The following OLFM4 variants were observed in gnomAD, a reference collection of about 807,000 sequenced individuals.
OLFM4 encodes olfactomedin-4.
In OLFM4, 22 loss-of-function variants were observed where a neutral mutation model predicts 25.5. The observed-to-expected ratio is 0.86, with a 90% CI of 0.62 to 1.23. The LOEUF (loss-of-function observed/expected upper bound fraction) is 1.23. Ranked by LOEUF, OLFM4 falls within the 50% of genes most tolerant of loss-of-function variation. The probability of loss-of-function intolerance (pLI) is 0.00; values close to 1 mark genes in which losing one functional copy is unlikely to be tolerated. For synonymous variants in OLFM4, 255 were observed against 237.7 expected, an observed-to-expected ratio of 1.07 and a Z score of -0.67; for missense variants, 594 against 619.4, an observed-to-expected ratio of 0.96 and a Z score of 0.44.
chr13:53,031,482 A>T (rs1954628404), intron 1 of OLFM4, among the ~76,000 whole-genome samples: 1 of 152,178 alleles, frequency 6.6e-6, no homozygotes, highest in Non-Finnish European at 1.5e-5. Context: ...AAGCACTCAG[A>T]GTACTCTCTG....
chr13:53,042,191 G>A (rs930186018), intron 3 of OLFM4, 69 bp downstream of exon 3: 2 of 1,294,954 alleles, frequency 1.5e-6, no homozygotes, highest in Admixed American at 3.9e-5. Flanking sequence ...GCAAGTACTA[G>A]TACCAGGAAG....
intron 2 of OLFM4, 66 bp downstream of exon 2, chr13:53,034,566 G>A (rs1252572653): frequency 2.9e-6 from 4 of 1,391,790 alleles, no homozygotes; most frequent in African/African-American, 2.9e-5. Context: ...TTTTAATTTA[G>A]GATTTTATAA....
chr13:53,037,035 G>A (rs1341781985), intron 2 of OLFM4, among the ~76,000 whole-genome samples: 2 of 152,154 alleles, frequency 1.3e-5, no homozygotes, highest in South Asian at 2.1e-4. Flanking sequence ...GAGGGCTTTC[G>A]AATTTCCAAG....
In OLFM4 at chr13:53,049,956, C is replaced by T. The variant is rs1272962068; in HGVS notation, c.731-13C>T. On this transcript the variant is annotated splice_polypyrimidine_tract_variant and intron_variant, in intron 4 of 4. Transcript: ENST00000219022. ...TTCTCTAAAAATGCCTTTTTATTTT[C>T]TTGTTTGTATAGGGAGCTGTGGTCA... The T allele has an allele frequency of 1.9e-6, 3 of 1,556,648 alleles. No homozygotes were observed. The highest frequency in any genetic ancestry group is 2.0e-5 in the Admixed American group (1 of 51,168).
At chr13:53,043,753 G>A (rs1439129017) in intron 4 of OLFM4, among the ~76,000 whole-genome samples, 2 of 151,982 alleles carry the variant, frequency 1.3e-5, no homozygotes. Flanking sequence ...TCCTATAAAT[G>A]CATGCTGAGC....
chr13:53,030,753 C>T (rs1954624960), intron 1 of OLFM4, among the ~76,000 whole-genome samples: 1 of 152,204 alleles, frequency 6.6e-6, no homozygotes. Context: ...ATTCTCTTCA[C>T]CATGTCTGTA....
Position 53,028,960 on chromosome 13 carries a change from T to A in OLFM4, c.124T>A (p.Ser42Thr). ...CTTCAGCTCTTTCCCAGGTGTTGACTCCAGCTCCAGCTTCAGCTCCAGCTC... is the reference window on the plus strand; with the variant it reads ...CTTCAGCTCTTTCCCAGGTGTTGACACCAGCTCCAGCTTCAGCTCCAGCTC... ...PGFSSFPGVDSSSSFSSSSRS... is the reference protein window; with the variant it reads ...PGFSSFPGVDTSSSFSSSSRS... The change falls in exon 1 of 5, where the codon TCC becomes ACC. Residue 42 changes from serine (S) to threonine (T), a missense_variant. By Grantham distance (58) the Ser-to-Thr change is moderately conservative (BLOSUM62 1). Transcript: ENST00000219022. 2 of 1,613,938 alleles carry A rather than the reference T, an allele frequency of 1.2e-6. No homozygotes were observed. The highest frequency in any genetic ancestry group is 2.2e-5 in the East Asian group (1 of 44,874).
chr13:53,049,905 A>C lies in OLFM4; in HGVS notation c.731-64A>C. 2.7e-6 allele frequency: 4 copies of C among 1,456,658 alleles called. No individual in the cohort carries two copies. The East Asian group carries it at 9.1e-5, about 33-fold the overall frequency. 90.2% of individuals were successfully genotyped at this position (1,456,658 alleles called of 1,614,324 possible). ...AGATTCCTTTGGTGCTTAGGATATT[A>C]AACTATTTGTATCCTGTCATTCCTT... On this transcript the variant is annotated intron_variant, in intron 4 of 4. Transcript: ENST00000219022.
Position 53,042,109 on chromosome 13 carries a change from A to C in OLFM4, c.557A>C (p.Gln186Pro), listed in dbSNP as rs1954690483. The C allele has an allele frequency of 2.5e-6, 4 of 1,613,726 alleles. No homozygotes were observed. The highest frequency in any genetic ancestry group is 3.4e-6 in the Non-Finnish European group (4 of 1,179,830). ...GGTGGAAGCTCAGAAATTGTTGACC[A>C]GCTGGAGGTGGAGGTAAGGAGTGAA... ...SFGGSSEIVD[Q>P]LEVEIRNMTL... is the part of the protein sequence containing the mutation. Residue 186 changes from glutamine (Q) to proline (P), a missense_variant, in exon 3 of 5, where the codon CAG becomes CCG. Transcript: ENST00000219022.
chr13:53,044,480 A>T (rs1035573974), intron 4 of OLFM4, among the ~76,000 whole-genome samples: 2 of 152,066 alleles, frequency 1.3e-5, no homozygotes, highest in African/African-American at 4.8e-5. Flanking sequence ...ATTGTAACTG[A>T]TTTTTTAAGG....
At chr13:53,046,878 G>A (rs914070417) in intron 4 of OLFM4, among the ~76,000 whole-genome samples, 9 of 152,196 alleles carry the variant, frequency 5.9e-5, no homozygotes, top group African/African-American at 2.2e-4. Context: ...GTTGGAATCA[G>A]GCTTTGAATT....
At chr13:53,039,897 A>AGGTCTGGGGT (rs1252677283) in intron 2 of OLFM4, among the ~76,000 whole-genome samples, 1 of 152,166 alleles carries the variant, frequency 6.6e-6, no homozygotes, top group Non-Finnish European at 1.5e-5. Flanking sequence ...CTAGCCCTTC[A>AGGTCTGGGGT]GGTCTGTGGT....
chr13:53,043,368 GTTGT>G (rs367633406), intron 4 of OLFM4, 104 bp downstream of exon 4: 7,075 of 456,108 alleles, frequency 0.016, 105 homozygotes, highest in Admixed American at 0.019. Context: ...AAGAAGGTGG[GTTGT>G]TTTTTTTTTT....
At chr13:53,046,494 T>A (rs1476100325) in intron 4 of OLFM4, among the ~76,000 whole-genome samples, 1 of 152,162 alleles carries the variant, frequency 6.6e-6, no homozygotes, top group East Asian at 1.9e-4. Flanking sequence ...AAAAACCAGA[T>A]ATGTAGCAGG....
intron 4 of OLFM4, among the ~76,000 whole-genome samples, chr13:53,045,205 C>T (rs774971673): frequency 1.3e-5 from 2 of 152,034 alleles, no homozygotes; most frequent in East Asian, 1.9e-4. Flanking sequence ...AACAAGTGAG[C>T]CTGTTGGGTT....
At chr13:53,030,522 C>T (rs1015724060) in intron 1 of OLFM4, among the ~76,000 whole-genome samples, 3 of 152,096 alleles carry the variant, frequency 2.0e-5, no homozygotes, top group East Asian at 3.9e-4. Context: ...AGGCTGGTCT[C>T]GAACTCCTGA....
Position 53,042,105 on chromosome 13 carries a change from G to A in OLFM4, c.553G>A (p.Asp185Asn), listed in dbSNP as rs576135210. ...TTTTGGTGGAAGCTCAGAAATTGTT[G>A]ACCAGCTGGAGGTGGAGGTAAGGAG... ...ESFGGSSEIV[D>N]QLEVEIRNMT... Residue 185 changes from aspartate to asparagine, a missense_variant, in exon 3 of 5, where the codon GAC becomes AAC. Transcript: ENST00000219022. 6.2e-7 allele frequency: 1 copy of A among 1,613,710 alleles called. No homozygotes were observed. The highest frequency in any genetic ancestry group is 1.1e-5 in the South Asian group (1 of 91,042).
In OLFM4 at chr13:53,050,468, C is replaced by T; in HGVS notation, c.1230C>T (p.Leu410=). Residue 410 remains leucine, a synonymous_variant, in exon 5 of 5, where the codon CTC becomes CTT. Transcript: ENST00000219022. ...ASTGNMVISK[L]NDTTLQVLNT... ...CTGGTAACATGGTGATTAGTAAACT[C>T]AATGACACCACACTTCAGGTGCTAA... is the stretch of plus-strand genomic sequence containing the variant. 5.6e-6 allele frequency: 9 copies of T among 1,614,034 alleles called. No individual in the cohort carries two copies. Among genetic ancestry groups the T allele is most frequent in the Non-Finnish European group, 7.6e-6 (9 of 1,179,966 alleles).
In OLFM4 at chr13:53,028,880, T is replaced by C; in HGVS notation, c.44T>C (p.Leu15Pro). The change falls in exon 1 of 5, where the codon CTT becomes CCT. Residue 15 changes from leucine (L) to proline (P), a missense_variant. By Grantham distance (98) the Leu-to-Pro change is moderately conservative. Transcript: ENST00000219022. ...TTTCTCCTAGCCCTTCTGTTCTTCCTTGGCCAAGCTGCAGGGGATTTGGGG... is the reference window on the plus strand; with the variant it reads ...TTTCTCCTAGCCCTTCTGTTCTTCCCTGGCCAAGCTGCAGGGGATTTGGGG... ...LSFLLALLFF[L>P]GQAAGDLGDV... 5.0e-6 allele frequency: 8 copies of C among 1,614,230 alleles called. No individual in the cohort carries two copies. The highest frequency in any genetic ancestry group is 6.8e-6 in the Non-Finnish European group (8 of 1,180,026).
Sources: gnomAD v4.1 joint callset for allele counts (sites outside exome capture counted in the v4.1 genomes callset) on GRCh38, gnomAD v4.1.1 for gene constraint, MANE v1.5 for transcripts, NCBI Gene and HGNC (gene_info 2026-07-23, HGNC 2026-07-21) for gene names.